Variants in ZNF385D observed in about 807,000 individuals in gnomAD.
ZNF385D encodes the protein zinc finger protein 385D.
Under a neutral mutation model 35.8 loss-of-function variants are expected in ZNF385D, and 15 were observed. The ratio of observed to expected loss-of-function variants is 0.42; its 90% CI spans 0.28 to 0.64. The LOEUF is 0.64. Among genes scored for constraint, ZNF385D ranks in the 30% least tolerant of loss-of-function variants. The pLI is 0.23. For missense variants in ZNF385D, 474 were observed against 494.6 expected (o/e 0.96, Z 0.39); for synonymous variants, 212 against 186.8 (o/e 1.13, Z -1.10).
intron 4 of ZNF385D, among the ~76,000 whole-genome samples, chr3:21,485,707 T>G (rs545687349): frequency 3.9e-5 from 6 of 152,104 alleles, no homozygotes; most frequent in Non-Finnish European, 8.8e-5. Flanking sequence ...TAACAGTAAC[T>G]TTCTATCATT....
intron 2 of ZNF385D, among the ~76,000 whole-genome samples, chr3:22,273,646 T>C (rs1180136496): frequency 6.6e-6 from 1 of 151,996 alleles, no homozygotes; most frequent in African/African-American, 2.4e-5. Context: ...CATACAGATA[T>C]AAAATAAATG....
At chr3:21,622,210 G>C (rs2065027938) in intron 2 of ZNF385D, among the ~76,000 whole-genome samples, 1 of 152,008 alleles carries the variant, frequency 6.6e-6, no homozygotes, top group South Asian at 2.1e-4. Context: ...TGATTAAGGA[G>C]GAAGTCATTG....
intron 3 of ZNF385D, among the ~76,000 whole-genome samples, chr3:21,792,406 TA>T (rs1241890349): frequency 1.3e-5 from 2 of 152,218 alleles, no homozygotes; most frequent in Non-Finnish European, 2.9e-5. Flanking sequence ...TTTTTCTAAA[TA>T]ACTTTTTATT....
intron 1 of ZNF385D, among the ~76,000 whole-genome samples, chr3:21,737,961 C>G (rs955759201): frequency 2.6e-5 from 4 of 152,176 alleles, no homozygotes; most frequent in Non-Finnish European, 5.9e-5. Context: ...CTGTGATTAG[C>G]GTTATGTGTA....
chr3:21,596,356 A>G (rs1046302656), intron 2 of ZNF385D, among the ~76,000 whole-genome samples: 18 of 152,186 alleles, frequency 1.2e-4, no homozygotes, highest in Admixed American at 3.3e-4. Context: ...GATACTTATA[A>G]GAGTGAGAAC....
chr3:22,141,870 T>A (rs1163498003), intron 3 of ZNF385D, among the ~76,000 whole-genome samples: 1 of 152,242 alleles, frequency 6.6e-6, no homozygotes, highest in East Asian at 1.9e-4. Context: ...CAAAGTTCAG[T>A]GATCTTTATC....
rs541836976 is a variant in ZNF385D at position 22,217,649 on chromosome 3, A to G, written c.107-48614T>C. On this transcript the variant is annotated intron_variant, in intron 2 of 5. Transcript: ENST00000494108. The stretch of plus-strand genomic sequence containing the variant: ...TTGTGTTAAAAGATTTGTAAAAATC[A>G]TAATTAATAACATTCTAAGGTACAT... Among the ~76,000 whole-genome samples the G allele has an allele frequency of 3.3e-5, 5 of 152,282 alleles. No individual in the cohort carries two copies. In the South Asian group the frequency reaches 8.3e-4, roughly 25 times the overall value.
chr3:21,983,352 C>T (rs1302669127), intron 3 of ZNF385D, among the ~76,000 whole-genome samples: 1 of 116,708 alleles, frequency 8.6e-6, no homozygotes, highest in Admixed American at 9.5e-5. Flanking sequence ...GTGTGATATT[C>T]CCCTTCCTGT....
At chr3:22,203,894 C>T (rs1559450240) in intron 2 of ZNF385D, among the ~76,000 whole-genome samples, 1 of 152,126 alleles carries the variant, frequency 6.6e-6, no homozygotes, top group African/African-American at 2.4e-5. Context: ...CTGGACCTGC[C>T]TGGGGCCCAA....
chr3:22,209,542 G>C lies in ZNF385D; in HGVS notation c.107-40507C>G, dbSNP rs550292290. Among the ~76,000 whole-genome samples, 12 of 151,776 alleles carry C rather than the reference G, an allele frequency of 7.9e-5. No individual in the cohort carries two copies. The East Asian group carries it at 2.3e-3, about 29-fold the overall frequency. On this transcript the variant is annotated intron_variant, in intron 2 of 5. Coordinates refer to the ZNF385D transcript ENST00000494108. ...TGGCTTAGGAAAAAAATATAAACAT[G>C]AACTATAAGCAAACCACTTATTTTT...
intron 3 of ZNF385D, among the ~76,000 whole-genome samples, chr3:21,561,721 AACAC>A (rs2062953910): frequency 6.6e-6 from 1 of 152,234 alleles, no homozygotes; most frequent in Admixed American, 6.5e-5. Context: ...GAACAATCAG[AACAC>A]ACACAACGTT....
At chr3:22,044,169 T>A (rs1382573015) in intron 3 of ZNF385D, among the ~76,000 whole-genome samples, 1 of 151,636 alleles carries the variant, frequency 6.6e-6, no homozygotes, top group Non-Finnish European at 1.5e-5. Flanking sequence ...CCTGCATGGA[T>A]AGTCACAAAA....
chr3:22,317,628 C>T (rs530728301), intron 2 of ZNF385D, among the ~76,000 whole-genome samples: 3 of 152,326 alleles, frequency 2.0e-5, no homozygotes, highest in Non-Finnish European at 2.9e-5. Context: ...CTACATTCCC[C>T]ATCCCCTCCT....
intron 2 of ZNF385D, among the ~76,000 whole-genome samples, chr3:22,287,041 A>T (rs1018711699): frequency 6.6e-6 from 1 of 152,046 alleles, no homozygotes; most frequent in Non-Finnish European, 1.5e-5. Context: ...ACTTCTTTAG[A>T]TATTTATGTG....
chr3:21,895,739 T>C (rs1360831719), intron 3 of ZNF385D, among the ~76,000 whole-genome samples: 3 of 151,904 alleles, frequency 2.0e-5, no homozygotes, highest in Admixed American at 6.6e-5. Flanking sequence ...AAACCAAGTT[T>C]AGGGGATTCA....
intron 3 of ZNF385D, among the ~76,000 whole-genome samples, chr3:21,952,228 TC>T (rs1484897347): frequency 6.6e-6 from 1 of 152,056 alleles, no homozygotes; most frequent in African/African-American, 2.4e-5. Flanking sequence ...CTCTGATTTT[TC>T]TCACTGATCT....
At chr3:21,630,713 C>A (rs984272831) in intron 2 of ZNF385D, among the ~76,000 whole-genome samples, 2 of 152,104 alleles carry the variant, frequency 1.3e-5, no homozygotes, top group Non-Finnish European at 2.9e-5. Flanking sequence ...TCATTTTTCT[C>A]ATCAGAAATG....
intron 2 of ZNF385D, among the ~76,000 whole-genome samples, chr3:21,613,003 T>C (rs1290650171): frequency 6.6e-6 from 1 of 151,480 alleles, no homozygotes; most frequent in East Asian, 1.9e-4. Context: ...CTTTTTTTTT[T>C]TTTTTCAAAA....
intron 3 of ZNF385D, among the ~76,000 whole-genome samples, chr3:22,061,417 A>G (rs548282941): frequency 9.9e-5 from 15 of 152,254 alleles, no homozygotes; most frequent in African/African-American, 3.6e-4. Context: ...CTGTACCCAC[A>G]TCCCTGCTGG....
Sources: allele counts gnomAD v4.1 joint callset (sites outside exome capture counted in the v4.1 genomes callset), GRCh38; gene constraint gnomAD v4.1.1; transcripts MANE v1.5; gene names NCBI Gene and HGNC (gene_info 2026-07-23, HGNC 2026-07-21).